CDH17: variants seen among roughly 807,000 people sequenced by gnomAD.
The protein encoded by CDH17 is cadherin 17.
In CDH17, 67 loss-of-function variants were observed where a neutral mutation model predicts 86.3. The ratio of observed to expected loss-of-function variants is 0.78; its 90% CI spans 0.64 to 0.95. The LOEUF is 0.95. CDH17 is among the 40% of genes least tolerant of loss of function. The pLI, the probability that CDH17 is intolerant of heterozygous loss-of-function variation, is 0.00. For missense variants in CDH17, 993 were observed against 1,017.6 expected (o/e 0.98, Z 0.33); for synonymous variants, 367 against 366.4 (o/e 1.00, Z -0.02).
At chr8:94,158,382 G>C (rs909349128) in intron 12 of CDH17, among the ~76,000 whole-genome samples, 1 of 151,966 alleles carries the variant, frequency 6.6e-6, no homozygotes, top group Admixed American at 6.6e-5. Flanking sequence ...TGAGATAGGT[G>C]CCAACATCTC....
chr8:94,185,310 CA>C (rs1813559259), intron 3 of CDH17, among the ~76,000 whole-genome samples: 2 of 146,950 alleles, frequency 1.4e-5, no homozygotes, highest in African/African-American at 4.9e-5. Flanking sequence ...CACACACACA[CA>C]CACCCCTGTA....
chr8:94,187,151 T>A (rs1292642678), intron 3 of CDH17, among the ~76,000 whole-genome samples: 1 of 152,270 alleles, frequency 6.6e-6, no homozygotes, highest in African/African-American at 2.4e-5. Context: ...ATAAGTGAGA[T>A]AATGCATATG....
At chr8:94,176,820 T>A (rs1203675212) in intron 4 of CDH17, 141 bp from the exon 5 acceptor site, 2 of 739,796 alleles carry the variant, frequency 2.7e-6, no homozygotes, top group South Asian at 2.0e-5. Context: ...AAGGCCAAAT[T>A]GGGAAATGCT....
chr8:94,186,807 C>T (rs1260684167), intron 3 of CDH17, among the ~76,000 whole-genome samples: 2 of 152,214 alleles, frequency 1.3e-5, no homozygotes, highest in African/African-American at 2.4e-5. Flanking sequence ...TTACGGTTTT[C>T]CTTGTTGAAA....
At chr8:94,191,603 C>T (rs1257776179) in intron 2 of CDH17, among the ~76,000 whole-genome samples, 1 of 151,986 alleles carries the variant, frequency 6.6e-6, no homozygotes, top group African/African-American at 2.4e-5. Context: ...AGGCACCCCC[C>T]CACCATGCCC....
intron 3 of CDH17, among the ~76,000 whole-genome samples, chr8:94,180,426 A>G (rs563257057): frequency 2.6e-5 from 4 of 152,314 alleles, no homozygotes; most frequent in African/African-American, 9.6e-5. Flanking sequence ...ATATCCAACA[A>G]TCACTATGAA....
intron 5 of CDH17, among the ~76,000 whole-genome samples, chr8:94,175,715 T>G (rs1243156111): frequency 2.6e-5 from 4 of 151,984 alleles, no homozygotes; most frequent in African/African-American, 9.7e-5. Context: ...AGAAGGTCAA[T>G]GCAGCATAGA....
At chr8:94,159,849 C>A in intron 12 of CDH17, 122 bp downstream of exon 12, 1 of 632,176 alleles carries the variant, frequency 1.6e-6, no homozygotes, top group Non-Finnish European at 2.5e-6. Flanking sequence ...AATCCAGGAA[C>A]CCATCACCAT....
At chr8:94,148,704 T>A (rs1812794890) in intron 14 of CDH17, 40 bp downstream of exon 14, 1 of 1,473,196 alleles carries the variant, frequency 6.8e-7, no homozygotes, top group Non-Finnish European at 9.0e-7. Context: ...TCTGATAATC[T>A]GTGTTCCTTT....
intron 12 of CDH17, among the ~76,000 whole-genome samples, chr8:94,159,734 G>A (rs1813014007): frequency 6.6e-6 from 1 of 151,842 alleles, no homozygotes; most frequent in African/African-American, 2.4e-5. Context: ...TTTATATGAC[G>A]TTACCTCCCT....
At chr8:94,203,706 T>C (rs995616330) in intron 1 of CDH17, among the ~76,000 whole-genome samples, 3 of 152,212 alleles carry the variant, frequency 2.0e-5, no homozygotes, top group Admixed American at 1.3e-4. Flanking sequence ...TGGCCATTAA[T>C]AAGCTAGAAA....
chr8:94,194,754 T>C, intron 1 of CDH17, 49 bp from the exon 2 acceptor site: 1 of 954,238 alleles, frequency 1.0e-6, no homozygotes, highest in Admixed American at 2.0e-5. Flanking sequence ...TCTGTTAAAA[T>C]CATGTCTTTC....
At chr8:94,150,816 TA>T (rs1474584832) in intron 13 of CDH17, among the ~76,000 whole-genome samples, 1 of 152,268 alleles carries the variant, frequency 6.6e-6, no homozygotes. Flanking sequence ...ATAAATGGTA[TA>T]AAGATTAAAA....
chr8:94,187,716 C>A (rs1273207312), intron 3 of CDH17, among the ~76,000 whole-genome samples: 1 of 152,128 alleles, frequency 6.6e-6, no homozygotes, highest in Non-Finnish European at 1.5e-5. Flanking sequence ...ATCCTCCCTA[C>A]CTGCATGGCC....
intron 6 of CDH17, 27 bp from the exon 7 acceptor site, chr8:94,174,023 A>T (rs780984639): frequency 6.2e-7 from 1 of 1,609,958 alleles, no homozygotes; most frequent in Non-Finnish European, 8.5e-7. Context: ...AGAAGGGAAT[A>T]GGAAGTGTCT....
chr8:94,207,262 A>C (rs1162805775), intron 1 of CDH17, among the ~76,000 whole-genome samples: 1 of 152,196 alleles, frequency 6.6e-6, no homozygotes, highest in Non-Finnish European at 1.5e-5. Flanking sequence ...ATGAAACAAA[A>C]ATTTCTCAAT....
At chr8:94,170,265 G>A (rs1813241213) in intron 9 of CDH17, 132 bp downstream of exon 9, 1 of 902,578 alleles carries the variant, frequency 1.1e-6, no homozygotes, top group East Asian at 2.5e-5. Flanking sequence ...TGACTCCCAA[G>A]GTACAGTCAA....
intron 10 of CDH17, among the ~76,000 whole-genome samples, chr8:94,162,604 C>T (rs766227850): frequency 6.6e-5 from 10 of 152,206 alleles, no homozygotes; most frequent in Non-Finnish European, 1.5e-4. Context: ...CCTACATCTG[C>T]TCTGACTACT....
chr8:94,157,490 C>T (rs1216505639), intron 12 of CDH17, among the ~76,000 whole-genome samples: 4 of 152,114 alleles, frequency 2.6e-5, no homozygotes, highest in Admixed American at 6.5e-5. Context: ...GAACCTAATC[C>T]GAGATCTATA....
Sources: gnomAD v4.1 joint callset for allele counts (sites outside exome capture counted in the v4.1 genomes callset) on GRCh38, gnomAD v4.1.1 for gene constraint, MANE v1.5 for transcripts, NCBI Gene and HGNC (gene_info 2026-07-23, HGNC 2026-07-21) for gene names.